Variants in CA5A observed in about 807,000 individuals in gnomAD.
CA5A encodes carbonic anhydrase 5A, mitochondrial.
In CA5A, 28 loss-of-function variants were observed where a neutral mutation model predicts 37.1. The observed-to-expected ratio is 0.75, with a 90% confidence interval of 0.56 to 1.03. CA5A has a LOEUF of 1.03. CA5A is among the 50% of genes least tolerant of loss of function. The pLI, the probability that CA5A is intolerant of heterozygous loss-of-function variation, is 0.00. For synonymous variants in CA5A, 171 were observed against 158.4 expected, an observed-to-expected ratio of 1.08 and a Z score of -0.60; for missense variants, 444 against 399.9, an observed-to-expected ratio of 1.11 and a Z score of -0.94.
rs116551250 is a variant in CA5A, at chr16:87,920,221, C to T, written c.340+6527G>A. On this transcript the variant is annotated intron_variant, in intron 2 of 6. Coordinates refer to ENST00000649794, the MANE Select transcript of CA5A (RefSeq NM_001739.2). ...CCTGCAGCCAAATTACATTTGAGCACGCAGTAAAAGGATGGAAACTGATGA... is the reference window on the plus strand; with the variant it reads ...CCTGCAGCCAAATTACATTTGAGCATGCAGTAAAAGGATGGAAACTGATGA... Among the ~76,000 whole-genome samples the T allele has an allele frequency of 6.7e-3, 1,019 of 152,324 alleles. 15 individuals are homozygous for T. The highest frequency in any genetic ancestry group is 0.023 in the African/African-American group (976 of 41,570).
chr16:87,889,784 T>A (rs1311223945), intron 6 of CA5A, among the ~76,000 whole-genome samples: 1 of 151,960 alleles, frequency 6.6e-6, no homozygotes, highest in Non-Finnish European at 1.5e-5. Context: ...AAAAAAATAA[T>A]AAAATAAAAA....
At chr16:87,904,926 C>A (rs769705892) in intron 2 of CA5A, 22 bp from the exon 3 acceptor site, 24 of 1,468,804 alleles carry the variant, frequency 1.6e-5, no homozygotes, top group Non-Finnish European at 2.3e-5. Flanking sequence ...GGCAGTGAGA[C>A]GTGTGTGTCA....
chr16:87,902,358 A>AT (rs2055890851), intron 4 of CA5A, 67 bp downstream of exon 4: 1 of 1,004,030 alleles, frequency 1.0e-6, no homozygotes, highest in Non-Finnish European at 1.6e-6. Context: ...GTCTCAAAAA[A>AT]AAAAAAGCAA....
chr16:87,884,862 A>G (rs2055636499), downstream of CA5A: 1 of 152,228 alleles, frequency 6.6e-6, no homozygotes, highest in African/African-American at 2.4e-5. Flanking sequence ...AGGTGCAACC[A>G]TTGCTATAAG....
chr16:87,935,422 G>A lies in CA5A; in HGVS notation c.142+887C>T, dbSNP rs112686947. On this transcript the variant is annotated intron_variant, in intron 1 of 6. Transcript: ENST00000649794. ...TCTGCCGAAGAGTTTAGGAGCGATC[G>A]TGACTGGTTAGTGCAGCCCATTCCG... 1.4e-4 allele frequency among the ~76,000 whole-genome samples: 21 copies of A among 152,326 alleles called. 2 individuals are homozygous for A. Among genetic ancestry groups the A allele is most frequent in the African/African-American group, 4.3e-4 (18 of 41,576 alleles).
At chr16:87,932,746 G>A (rs980245522) in intron 1 of CA5A, among the ~76,000 whole-genome samples, 17 of 151,882 alleles carry the variant, frequency 1.1e-4, no homozygotes, top group African/African-American at 1.4e-4. Flanking sequence ...TCACACGGGC[G>A]CAGTCTGGAA....
At chr16:87,930,166 G>A (rs2056382979) in intron 1 of CA5A, among the ~76,000 whole-genome samples, 1 of 152,128 alleles carries the variant, frequency 6.6e-6, no homozygotes, top group Non-Finnish European at 1.5e-5. Flanking sequence ...TCAGCAGGGG[G>A]TTGGTCATTT....
At position 87,935,495 on chromosome 16, in the gene CA5A, A is replaced by G. The variant is rs542936444; in HGVS notation, c.142+814T>C. 2.0e-5 allele frequency among the ~76,000 whole-genome samples: 3 copies of G among 152,320 alleles called. No individual in the cohort carries two copies. In the South Asian group the frequency reaches 6.2e-4, roughly 32 times the overall value. ...GCCAGTGTGTCCCGTGCGAACACGG[A>G]CTACCCGCCTGCTCCCAGCATCTTG... On this transcript the variant is annotated intron_variant, in intron 1 of 6. Transcript: ENST00000649794.
At position 87,936,494 on chromosome 16, in the gene CA5A, T is replaced by C. The variant is rs763671952; in HGVS notation, c.-44A>G. ...GACTCCAGTCTGAAGAGGGTGATGT[T>C]CCCTGCTGTCTGTTCTCACTTTGAT... On this transcript the variant is annotated 5_prime_UTR_variant, in exon 1 of 7. Transcript: ENST00000649794. The C allele has an allele frequency of 6.2e-6, 10 of 1,608,814 alleles. No homozygotes were observed. Among genetic ancestry groups the C allele is most frequent in the Non-Finnish European group, 8.5e-7 (1 of 1,177,994 alleles).
chr16:87,900,649 GT>G (rs2055865448), intron 5 of CA5A, among the ~76,000 whole-genome samples: 1 of 152,260 alleles, frequency 6.6e-6, no homozygotes, highest in Non-Finnish European at 1.5e-5. Context: ...AGGCGACACT[GT>G]TGTCCCCACC....
intron 5 of CA5A, among the ~76,000 whole-genome samples, chr16:87,898,121 A>G (rs1346069717): frequency 6.6e-6 from 1 of 152,180 alleles, no homozygotes; most frequent in Non-Finnish European, 1.5e-5. Flanking sequence ...GCATTCCTGG[A>G]GGGTCTCTGC....
At chr16:87,932,138 G>C (rs61184130) in intron 1 of CA5A, among the ~76,000 whole-genome samples, 7,635 of 152,064 alleles carry the variant, frequency 0.05, 315 homozygotes, top group South Asian at 0.18. Context: ...CCCCTTTGAG[G>C]CCTCACAAAT....
At chr16:87,882,909 G>C (rs1048079199) in intron 4 of CA5A, 1 of 152,408 alleles carries the variant, frequency 6.6e-6, no homozygotes, top group Non-Finnish European at 1.5e-5. Flanking sequence ...TTTATTTTGG[G>C]GGGGCGTGGA....
At chr16:87,928,432 G>T (rs1463407353) in intron 1 of CA5A, among the ~76,000 whole-genome samples, 2 of 152,092 alleles carry the variant, frequency 1.3e-5, no homozygotes, top group Non-Finnish European at 2.9e-5. Flanking sequence ...AGTGAGGCAG[G>T]CATCTCCCAA....
At position 87,910,555 on chromosome 16, in the gene CA5A, C is replaced by T. The variant is rs150971412; in HGVS notation, c.341-5651G>A. ...AAGTTAGGGACCCAATTTAAGGCTG[C>T]AGACCTGGATAAAATAATCTCAAAG... On this transcript the variant is annotated intron_variant, in intron 2 of 6. Coordinates refer to ENST00000649794, the MANE Select transcript of CA5A (RefSeq NM_001739.2). Among the ~76,000 whole-genome samples the T allele has an allele frequency of 3.5e-3, 539 of 152,216 alleles. 4 individuals carry two copies. Among genetic ancestry groups the T allele is most frequent in the African/African-American group, 0.012 (513 of 41,520 alleles).
intron 2 of CA5A, among the ~76,000 whole-genome samples, chr16:87,924,598 G>A (rs548736545): frequency 6.6e-6 from 1 of 152,326 alleles, no homozygotes; most frequent in Non-Finnish European, 1.5e-5. Context: ...AGAATTTCTA[G>A]GCATATGCAG....
At chr16:87,892,135 G>A (rs1267519364) in intron 5 of CA5A, 181 bp from the exon 6 acceptor site, 1 of 496,178 alleles carries the variant, frequency 2.0e-6, no homozygotes, top group African/African-American at 2.0e-5. Flanking sequence ...CTTCTATACA[G>A]AGCAAGGATT....
At chr16:87,927,211 G>A (rs2056325895) in intron 1 of CA5A, among the ~76,000 whole-genome samples, 1 of 152,268 alleles carries the variant, frequency 6.6e-6, no homozygotes, top group Non-Finnish European at 1.5e-5. Flanking sequence ...TGTGTTGATG[G>A]GTTTTTGACT....
At chr16:87,890,426 AG>A (rs894489369) in intron 6 of CA5A, among the ~76,000 whole-genome samples, 2 of 152,026 alleles carry the variant, frequency 1.3e-5, no homozygotes, top group Non-Finnish European at 2.9e-5. Context: ...ACCCTCTAAG[AG>A]CTCACCTGGA....
Sources: gnomAD v4.1 joint callset for allele counts (sites outside exome capture counted in the v4.1 genomes callset) on GRCh38, gnomAD v4.1.1 for gene constraint, MANE v1.5 for transcripts, NCBI Gene and HGNC (gene_info 2026-07-23, HGNC 2026-07-21) for gene names.